The following PECAM1 variants were observed in gnomAD, a reference collection of about 807,000 sequenced individuals.
PECAM1 encodes the protein platelet and endothelial cell adhesion molecule 1, also known as platelet endothelial cell adhesion molecule.
Under a neutral mutation model 13.8 loss-of-function variants are expected in PECAM1, and 8 were observed. The ratio of observed to expected loss-of-function variants is 0.58; its 90% CI spans 0.34 to 1.05. The LOEUF (loss-of-function observed/expected upper bound fraction) is 1.05, where lower values mean the gene tolerates loss of function less well. PECAM1 is among the 50% of genes least tolerant of loss of function. PECAM1 has a pLI of 0.03. For missense variants in PECAM1, 304 were observed against 141.2 expected, an observed-to-expected ratio of 2.15 and a Z score of -5.84; for synonymous variants, 136 against 52.6, an observed-to-expected ratio of 2.58 and a Z score of -6.86.
At chr17:64,325,953 TAAAC>T (rs2034945590) in intron 15 of PECAM1, among the ~76,000 whole-genome samples, 4 of 152,110 alleles carry the variant, frequency 2.6e-5, no homozygotes, top group Admixed American at 2.6e-4. Context: ...CAATTATTGA[TAAAC>T]AACACCACTA....
intron 4 of PECAM1, 142 bp downstream of exon 4, chr17:64,374,909 A>C (rs1412833177): frequency 1.5e-5 from 6 of 408,564 alleles, no homozygotes; most frequent in African/African-American, 2.1e-5. Flanking sequence ...CAGTCAAAAA[A>C]GCTTGAAAAA....
intron 15 of PECAM1, among the ~76,000 whole-genome samples, chr17:64,327,104 G>T (rs1351540654): frequency 3.3e-5 from 5 of 152,180 alleles, no homozygotes; most frequent in Non-Finnish European, 5.9e-5. Context: ...GTTAATGTGG[G>T]TCTCTGATTC....
chr17:64,322,847 C>T lies in PECAM1; in HGVS notation c.*969G>A, dbSNP rs1012535414. On this transcript the variant is annotated 3_prime_UTR_variant, in exon 16 of 16. Coordinates refer to ENST00000563924, the MANE Select transcript of PECAM1 (RefSeq NM_000442.5). The stretch of plus-strand genomic sequence containing the variant: ...AATCTCACCTCAGCCTCTTGAGTAG[C>T]TGATACTACAGGCATGCGCCACCAC... 2.6e-5 allele frequency: 9 copies of T among 347,516 alleles called. 1 individual carries two copies. Among genetic ancestry groups the T allele is most frequent in the Non-Finnish European group, 3.6e-5 (9 of 247,032 alleles). 21.5% of individuals were successfully genotyped at this position (347,516 alleles called of 1,614,324 possible). A position where few individuals can be genotyped will look rare whatever the true frequency, so the allele number is the denominator to read the frequency against.
intron 4 of PECAM1, among the ~76,000 whole-genome samples, chr17:64,373,081 G>A (rs1344268672): frequency 6.6e-6 from 1 of 150,922 alleles, no homozygotes; most frequent in African/African-American, 2.4e-5. Context: ...CACTGTACTC[G>A]AGCCTGGGCA....
At chr17:64,381,081 G>A (rs2036472224) in intron 2 of PECAM1, among the ~76,000 whole-genome samples, 1 of 152,206 alleles carries the variant, frequency 6.6e-6, no homozygotes, top group African/African-American at 2.4e-5. Flanking sequence ...GGGCTATGGG[G>A]TAGGGAGAAG....
chr17:64,374,500 C>T (rs896964546), intron 4 of PECAM1, among the ~76,000 whole-genome samples: 1 of 148,552 alleles, frequency 6.7e-6, no homozygotes, highest in Non-Finnish European at 1.5e-5. Context: ...AAAACACACA[C>T]AAGGTTGGGG....
intron 2 of PECAM1, among the ~76,000 whole-genome samples, chr17:64,382,093 T>C (rs1011420996): frequency 4.0e-5 from 6 of 150,186 alleles, no homozygotes; most frequent in African/African-American, 1.5e-4. Flanking sequence ...AGAGCAAAAC[T>C]CCATCTCAAA....
intron 2 of PECAM1, among the ~76,000 whole-genome samples, chr17:64,386,473 C>T (rs2036596903): frequency 1.3e-5 from 2 of 151,168 alleles, no homozygotes; most frequent in Admixed American, 6.6e-5. Flanking sequence ...TGCACAACAC[C>T]GTGAATGTAC....
chr17:64,334,590 G>T (rs920433383), intron 14 of PECAM1, among the ~76,000 whole-genome samples: 25 of 151,942 alleles, frequency 1.6e-4, no homozygotes, highest in Non-Finnish European at 1.6e-4. Flanking sequence ...CTCACTGCAA[G>T]CTCTGCCTCC....
intron 14 of PECAM1, among the ~76,000 whole-genome samples, chr17:64,336,322 G>A (rs2143709362): frequency 6.6e-6 from 1 of 151,970 alleles, no homozygotes; most frequent in Non-Finnish European, 1.5e-5. Flanking sequence ...TAACAGCTCT[G>A]GGCTCTGGGG....
chr17:64,385,227 A>G (rs912181058), intron 2 of PECAM1, among the ~76,000 whole-genome samples: 6 of 152,184 alleles, frequency 3.9e-5, no homozygotes, highest in African/African-American at 1.4e-4. Context: ...GAAGGATCTA[A>G]ATTTGGAAAG....
chr17:64,340,677 T>G (rs1210520297), intron 14 of PECAM1, among the ~76,000 whole-genome samples: 5 of 152,012 alleles, frequency 3.3e-5, no homozygotes, highest in Admixed American at 2.6e-4. Context: ...TGTGCTCAGC[T>G]CTGGGGGAAG....
intron 9 of PECAM1, among the ~76,000 whole-genome samples, chr17:64,353,778 A>G (rs1468669134): frequency 6.6e-6 from 1 of 152,134 alleles, no homozygotes; most frequent in Non-Finnish European, 1.5e-5. Context: ...GAAAAGAAAG[A>G]GGTATTCTCT....
chr17:64,366,019 C>T (rs1395617307), intron 5 of PECAM1, among the ~76,000 whole-genome samples: 21 of 151,952 alleles, frequency 1.4e-4, no homozygotes, highest in African/African-American at 4.8e-4. Flanking sequence ...AAGAAACTAC[C>T]ATCAGAGTGA....
intron 14 of PECAM1, among the ~76,000 whole-genome samples, chr17:64,335,018 G>A (rs1260984733): frequency 6.6e-6 from 1 of 152,092 alleles, no homozygotes; most frequent in Non-Finnish European, 1.5e-5. Context: ...CTCAAAGCCC[G>A]GGCCCCAGCG....
intron 2 of PECAM1, among the ~76,000 whole-genome samples, chr17:64,380,525 A>G: frequency 6.6e-6 from 1 of 152,258 alleles, no homozygotes; most frequent in East Asian, 1.9e-4. Context: ...GAAAGTGACT[A>G]TGTCTGGTAT....
chr17:64,321,705 G>A lies in PECAM1; in HGVS notation c.*2111C>T. On this transcript the variant is annotated 3_prime_UTR_variant, in exon 16 of 16. Coordinates refer to ENST00000563924, the MANE Select transcript of PECAM1 (RefSeq NM_000442.5). ...GAGCCCAGGGGTTCGAGGCTGCGGT[G>A]AGCCATTGTTGTGCCACTGCACTCC... is the stretch of plus-strand genomic sequence containing the variant. 1 of 917,304 alleles carries A rather than the reference G, an allele frequency of 1.1e-6. No individual in the cohort carries two copies. The highest frequency in any genetic ancestry group is 1.4e-6 in the Non-Finnish European group (1 of 697,768). The allele number at this position is 917,304 out of a possible 1,614,324, so 56.8% of individuals were successfully genotyped here.
intron 11 of PECAM1, among the ~76,000 whole-genome samples, chr17:64,350,769 C>T (rs1222028462): frequency 2.6e-5 from 4 of 151,688 alleles, no homozygotes; most frequent in African/African-American, 9.7e-5. Flanking sequence ...CGCTTTGTTG[C>T]ACAGGCTGGT....
chr17:64,375,405 G>A, intron 3 of PECAM1, 49 bp from the exon 4 acceptor site: 3 of 420,848 alleles, frequency 7.1e-6, no homozygotes, highest in Non-Finnish European at 1.3e-5. Flanking sequence ...TGAAGAGAAA[G>A]TCTGTCAGTA....
Sources: allele counts gnomAD v4.1 joint callset (sites outside exome capture counted in the v4.1 genomes callset), GRCh38; gene constraint gnomAD v4.1.1; transcripts MANE v1.5; gene names NCBI Gene and HGNC (gene_info 2026-07-23, HGNC 2026-07-21).